The following RALYL variants were observed in gnomAD, a reference collection of about 807,000 sequenced individuals.
RALYL encodes the protein RNA-binding Raly-like protein.
RALYL carries 29 observed loss-of-function variants against 35.1 expected under a neutral mutation model. The ratio of observed to expected loss-of-function variants is 0.83; its 90% CI spans 0.61 to 1.13. The LOEUF (loss-of-function observed/expected upper bound fraction) is 1.13, where lower values mean the gene tolerates loss of function less well. RALYL is among the 50% of genes most tolerant of loss of function. The pLI, the probability that RALYL is intolerant of heterozygous loss-of-function variation, is 0.00. For synonymous variants in RALYL, 120 were observed against 127.6 expected (o/e 0.94, Z 0.40); for missense variants, 359 against 360.4 (o/e 1.00, Z 0.03).
chr8:84,278,745 A>T (rs993242498), intron 1 of RALYL, among the ~76,000 whole-genome samples: 3 of 152,150 alleles, frequency 2.0e-5, no homozygotes, highest in African/African-American at 7.2e-5. Flanking sequence ...CAAATTGTTC[A>T]TCTCCACCTG....
chr8:84,393,116 C>T (rs75344401), intron 1 of RALYL, among the ~76,000 whole-genome samples: 134 of 152,184 alleles, frequency 8.8e-4, no homozygotes, highest in Middle Eastern at 3.4e-3. Flanking sequence ...CAGTTATCAT[C>T]TGTGAGTCAG....
chr8:84,542,189 C>T (rs1189951065), intron 2 of RALYL, among the ~76,000 whole-genome samples: 3 of 152,032 alleles, frequency 2.0e-5, no homozygotes, highest in African/African-American at 7.2e-5. Flanking sequence ...GTATACTTTA[C>T]TGTATACATC....
At chr8:84,246,621 G>A (rs1829155004) in intron 1 of RALYL, among the ~76,000 whole-genome samples, 1 of 152,088 alleles carries the variant, frequency 6.6e-6, no homozygotes, top group Non-Finnish European at 1.5e-5. Flanking sequence ...AGCGCCTGTG[G>A]ATAAATGATC....
chr8:84,681,898 G>C (rs1475902338), intron 2 of RALYL, among the ~76,000 whole-genome samples: 1 of 152,132 alleles, frequency 6.6e-6, no homozygotes, highest in Non-Finnish European at 1.5e-5. Context: ...TGGTGAGAGA[G>C]GGCATCCCTG....
In RALYL at chr8:84,350,281, T is replaced by C. The variant is rs1368308458; in HGVS notation, c.-24+165857T>C. Among the ~76,000 whole-genome samples the C allele has an allele frequency of 6.0e-5, 9 of 150,542 alleles. 2 individuals carry two copies. The highest frequency in any genetic ancestry group is 2.2e-4 in the African/African-American group (9 of 40,500). On this transcript the variant is annotated intron_variant, in intron 1 of 8. Coordinates refer to ENST00000521268, the MANE Select transcript of RALYL (RefSeq NM_173848.7). ...TGCAGTCAACCAGTTCACAGGGATC[T>C]AAAATGCACATCAGGCTCCAAATGT... is the stretch of plus-strand genomic sequence containing the variant.
intron 1 of RALYL, among the ~76,000 whole-genome samples, chr8:84,186,058 A>G (rs1452703096): frequency 6.6e-6 from 1 of 152,190 alleles, no homozygotes. Context: ...ATTTCATTGT[A>G]TTTCCTGGCG....
intron 1 of RALYL, among the ~76,000 whole-genome samples, chr8:84,382,887 G>T (rs729336): frequency 6.6e-6 from 1 of 151,308 alleles, no homozygotes; most frequent in Non-Finnish European, 1.5e-5. Context: ...ATTTATCTTT[G>T]CCACCTTACG....
At chr8:84,729,761 C>G (rs540303085) in intron 2 of RALYL, among the ~76,000 whole-genome samples, 1 of 152,010 alleles carries the variant, frequency 6.6e-6, no homozygotes, top group Admixed American at 6.6e-5. Flanking sequence ...AACACCTCTA[C>G]GCAAATAAAC....
chr8:84,510,602 C>T (rs888063189), intron 1 of RALYL, among the ~76,000 whole-genome samples: 2 of 151,950 alleles, frequency 1.3e-5, no homozygotes, highest in African/African-American at 2.4e-5. Context: ...CCTGAGGTCA[C>T]GAGTTCAAGA....
chr8:84,354,974 C>A (rs563808486), intron 1 of RALYL, among the ~76,000 whole-genome samples: 1 of 150,272 alleles, frequency 6.7e-6, no homozygotes, highest in South Asian at 2.1e-4. Flanking sequence ...AAGAGTGCTT[C>A]TATCTCATGC....
chr8:84,440,383 T>C (rs906254475), intron 1 of RALYL, among the ~76,000 whole-genome samples: 2 of 152,090 alleles, frequency 1.3e-5, no homozygotes, highest in Non-Finnish European at 2.9e-5. Context: ...AATTGTGACT[T>C]TTTAAAACTT....
At chr8:84,578,250 T>C (rs942723053) in intron 2 of RALYL, among the ~76,000 whole-genome samples, 2 of 152,226 alleles carry the variant, frequency 1.3e-5, no homozygotes, top group Admixed American at 1.3e-4. Context: ...AGATGCACCA[T>C]AAGCGGCTTC....
intron 2 of RALYL, among the ~76,000 whole-genome samples, chr8:84,737,689 A>G (rs1847563319): frequency 6.6e-6 from 1 of 152,022 alleles, no homozygotes; most frequent in South Asian, 2.1e-4. Context: ...CTCATCAGCA[A>G]TGTGGTGGTG....
intron 1 of RALYL, among the ~76,000 whole-genome samples, chr8:84,245,898 G>C (rs1331590500): frequency 6.6e-6 from 1 of 152,124 alleles, no homozygotes; most frequent in Admixed American, 6.6e-5. Context: ...CACAGCCTGG[G>C]AGGAATCTTA....
chr8:84,561,565 G>T (rs749805824), intron 2 of RALYL, among the ~76,000 whole-genome samples: 2 of 151,914 alleles, frequency 1.3e-5, no homozygotes, highest in Non-Finnish European at 2.9e-5. Flanking sequence ...CACAGTAAGA[G>T]ATTAACAACA....
intron 2 of RALYL, among the ~76,000 whole-genome samples, chr8:84,601,909 T>G (rs1431061057): frequency 6.6e-6 from 1 of 152,164 alleles, no homozygotes; most frequent in Admixed American, 6.6e-5. Context: ...CACTTACTTT[T>G]GATTTTGGAA....
chr8:84,848,673 T>C (rs1835184018), intron 4 of RALYL, among the ~76,000 whole-genome samples: 2 of 152,110 alleles, frequency 1.3e-5, no homozygotes. Flanking sequence ...GAGTATAAAG[T>C]TTCTGTTTAG....
intron 2 of RALYL, among the ~76,000 whole-genome samples, chr8:84,699,594 A>G (rs1037948977): frequency 1.3e-5 from 2 of 152,166 alleles, no homozygotes; most frequent in East Asian, 3.9e-4. Context: ...CACATTTGTG[A>G]GGGTTCTGCT....
At chr8:84,636,814 C>A (rs752906853) in intron 2 of RALYL, among the ~76,000 whole-genome samples, 7 of 151,820 alleles carry the variant, frequency 4.6e-5, no homozygotes, top group Non-Finnish European at 1.0e-4. Flanking sequence ...AGGAGGGAAA[C>A]CATATACCAG....
Sources: allele counts gnomAD v4.1 joint callset (sites outside exome capture counted in the v4.1 genomes callset), GRCh38; gene constraint gnomAD v4.1.1; transcripts MANE v1.5; gene names NCBI Gene and HGNC (gene_info 2026-07-23, HGNC 2026-07-21).